PTH2R: variants seen among roughly 807,000 people sequenced by gnomAD.
The protein encoded by PTH2R is parathyroid hormone 2 receptor, also known as PTH2 receptor.
Under a neutral mutation model 60.3 loss-of-function variants are expected in PTH2R, and 59 were observed. The ratio of observed to expected loss-of-function variants is 0.98; its 90% CI spans 0.79 to 1.22. The LOEUF is 1.22. PTH2R is among the 50% of genes most tolerant of loss of function. PTH2R has a pLI of 0.00. For synonymous variants in PTH2R, 256 were observed against 243.8 expected (o/e 1.05, Z -0.47); for missense variants, 749 against 682.6 (o/e 1.10, Z -1.08).
chr2:208,479,065 G>A (rs1703086421), intron 9 of PTH2R, among the ~76,000 whole-genome samples: 1 of 152,128 alleles, frequency 6.6e-6, no homozygotes, highest in African/African-American at 2.4e-5. Context: ...TGTCATGTGT[G>A]TATTTTGTTA....
At chr2:208,419,052 G>A (rs1235277188) in intron 1 of PTH2R, among the ~76,000 whole-genome samples, 1 of 152,150 alleles carries the variant, frequency 6.6e-6, no homozygotes, top group Non-Finnish European at 1.5e-5. Context: ...GGGATGGCTG[G>A]GTCAAATGGT....
At chr2:208,428,421 T>C in intron 2 of PTH2R, 118 bp downstream of exon 2, 1 of 675,254 alleles carries the variant, frequency 1.5e-6, no homozygotes, top group Non-Finnish European at 2.6e-6. Context: ...CACATTTCCA[T>C]GTGGAGGGGT....
At chr2:208,383,503 T>A (rs1382036529) in intron 1 of PTH2R, among the ~76,000 whole-genome samples, 1 of 152,210 alleles carries the variant, frequency 6.6e-6, no homozygotes, top group Non-Finnish European at 1.5e-5. Flanking sequence ...GCTTAAATGT[T>A]TAAATAAGCT....
At chr2:208,437,974 C>T (rs1455794320) in intron 4 of PTH2R, 93 bp downstream of exon 4, 2 of 1,466,304 alleles carry the variant, frequency 1.4e-6, no homozygotes, top group Non-Finnish European at 1.9e-6. Flanking sequence ...TATAAAAACC[C>T]TCTTATTCCA....
chr2:208,409,126 T>C lies in PTH2R; in HGVS notation c.75+2008T>C, dbSNP rs572760072. Among the ~76,000 whole-genome samples the C allele has an allele frequency of 6.9e-4, 105 of 152,358 alleles. 1 individual carries two copies. The highest frequency in any genetic ancestry group is 3.4e-3 in the Middle Eastern group (1 of 294). Reference sequence around the variant, plus strand: ...TTACACGGATTTCCATTTATATCTATAGATTATGAATTGCATAAAATGACA... The same window carrying C: ...TTACACGGATTTCCATTTATATCTACAGATTATGAATTGCATAAAATGACA... On this transcript the variant is annotated intron_variant, in intron 1 of 12. Transcript: ENST00000272847.
intron 1 of PTH2R, among the ~76,000 whole-genome samples, chr2:208,365,514 A>G (rs535588592): frequency 2.6e-5 from 4 of 152,158 alleles, no homozygotes; most frequent in Non-Finnish European, 5.9e-5. Flanking sequence ...CCATCCTTGC[A>G]TCCCAGGGAT....
chr2:208,478,751 G>A (rs1703078134), intron 9 of PTH2R, among the ~76,000 whole-genome samples: 2 of 152,262 alleles, frequency 1.3e-5, no homozygotes, highest in African/African-American at 4.8e-5. Context: ...TAGTGCAGTG[G>A]TTAAGGGTGT....
At chr2:208,449,834 T>C (rs1368466451) in intron 7 of PTH2R, among the ~76,000 whole-genome samples, 1 of 152,212 alleles carries the variant, frequency 6.6e-6, no homozygotes, top group Non-Finnish European at 1.5e-5. Flanking sequence ...AAAATGTTCT[T>C]GGCTAGACCA....
intron 5 of PTH2R, 115 bp from the exon 6 acceptor site, chr2:208,443,233 G>A (rs981639005): frequency 4.2e-5 from 36 of 857,228 alleles, no homozygotes; most frequent in East Asian, 1.4e-4. Flanking sequence ...GTGGAGTCTC[G>A]AACCAGTCCC....
chr2:208,444,652 A>G (rs1702251977), intron 6 of PTH2R, 82 bp from the exon 7 acceptor site: 2 of 1,347,770 alleles, frequency 1.5e-6, no homozygotes, highest in Non-Finnish European at 2.0e-6. Flanking sequence ...GAAACTGAAG[A>G]CTTGTTTTTT....
intron 1 of PTH2R, among the ~76,000 whole-genome samples, chr2:208,420,891 A>G (rs1240730117): frequency 2.0e-5 from 3 of 152,210 alleles, no homozygotes; most frequent in Non-Finnish European, 4.4e-5. Context: ...GAAGATATAC[A>G]ATAGTTCCAG....
chr2:208,369,982 C>A (rs1159923268), intron 1 of PTH2R, among the ~76,000 whole-genome samples: 2 of 152,070 alleles, frequency 1.3e-5, no homozygotes, highest in African/African-American at 4.8e-5. Context: ...ACTATACAGA[C>A]TGGGAAGCCT....
intron 4 of PTH2R, among the ~76,000 whole-genome samples, chr2:208,441,961 T>C (rs1001255412): frequency 3.3e-5 from 5 of 152,192 alleles, no homozygotes; most frequent in Non-Finnish European, 4.4e-5. Flanking sequence ...TGAAAAGGAA[T>C]GAACTATTTA....
intron 2 of PTH2R, among the ~76,000 whole-genome samples, chr2:208,435,033 C>T (rs578024677): frequency 5.3e-5 from 8 of 152,150 alleles, no homozygotes; most frequent in South Asian, 2.1e-4. Context: ...CTTATTGCTT[C>T]GGCAATGCAC....
chr2:208,493,286 T>C lies in PTH2R; in HGVS notation c.1280T>C (p.Met427Thr). 1 of 1,516,248 alleles carries C rather than the reference T, an allele frequency of 6.6e-7. No individual in the cohort carries two copies. The highest frequency in any genetic ancestry group is 8.9e-7 in the Non-Finnish European group (1 of 1,129,650). 93.9% of individuals were successfully genotyped at this position (1,516,248 alleles called of 1,614,324 possible). A position where few individuals can be genotyped will look rare whatever the true frequency, so the allele number is the denominator to read the frequency against. The change falls in exon 13 of 13, where the codon ATG (methionine) becomes ACG (threonine). Residue 427 changes from methionine (M) to threonine (T), a missense_variant. Physicochemically the swap from Met to Thr is moderately conservative, Grantham distance 81. Coordinates refer to ENST00000272847, the MANE Select transcript of PTH2R (RefSeq NM_005048.4). Reference protein sequence around the residue: ...NGEVQAEVKKMWSRWNLSVDW... With the variant: ...NGEVQAEVKKTWSRWNLSVDW... Reference sequence around the variant, plus strand: ...TAGGTTCAGGCAGAGGTGAAGAAGATGTGGAGTCGGTGGAACCTCTCCGTG... The same window carrying C: ...TAGGTTCAGGCAGAGGTGAAGAAGACGTGGAGTCGGTGGAACCTCTCCGTG...
intron 5 of PTH2R, 116 bp from the exon 6 acceptor site, chr2:208,443,232 C>A (rs967458925): frequency 2.4e-6 from 2 of 846,736 alleles, no homozygotes; most frequent in East Asian, 2.8e-5. Flanking sequence ...TGTGGAGTCT[C>A]GAACCAGTCC....
chr2:208,484,226 G>A (rs1456623020), intron 10 of PTH2R, among the ~76,000 whole-genome samples: 1 of 152,198 alleles, frequency 6.6e-6, no homozygotes, highest in African/African-American at 2.4e-5. Flanking sequence ...ATCTCTCCAG[G>A]TGAATGTGTG....
chr2:208,387,898 T>G (rs1015189635), intron 1 of PTH2R, among the ~76,000 whole-genome samples: 2 of 152,210 alleles, frequency 1.3e-5, no homozygotes. Flanking sequence ...TGGCAGAACC[T>G]AGATTTGGGT....
chr2:208,491,111 G>A (rs998949630), intron 12 of PTH2R, among the ~76,000 whole-genome samples: 5 of 152,092 alleles, frequency 3.3e-5, no homozygotes, highest in African/African-American at 1.2e-4. Context: ...GAGTTGGCTG[G>A]AGAGAAGTAA....
Sources: gnomAD v4.1 joint callset for allele counts (sites outside exome capture counted in the v4.1 genomes callset) on GRCh38, gnomAD v4.1.1 for gene constraint, MANE v1.5 for transcripts, NCBI Gene and HGNC (gene_info 2026-07-23, HGNC 2026-07-21) for gene names.